Variants in MAGI1 observed in about 807,000 individuals in gnomAD.
The protein encoded by MAGI1 is membrane associated guanylate kinase, WW and PDZ domain containing 1.
Under a neutral mutation model 139.9 loss-of-function variants are expected in MAGI1, and 58 were observed. That is an observed-to-expected ratio of 0.41 (90% CI 0.34 to 0.52). The LOEUF (loss-of-function observed/expected upper bound fraction) is 0.52. Ranked by LOEUF, MAGI1 falls within the 20% of genes least tolerant of loss-of-function variation. MAGI1 has a pLI of 0.12. For synonymous variants in MAGI1, 812 were observed against 737.9 expected, an observed-to-expected ratio of 1.10 and a Z score of -1.63; for missense variants, 1,874 against 1,901.6, an observed-to-expected ratio of 0.99 and a Z score of 0.27.
chr3:65,597,432 C>A (rs997126157), intron 2 of MAGI1, among the ~76,000 whole-genome samples: 1 of 151,994 alleles, frequency 6.6e-6, no homozygotes, highest in South Asian at 2.1e-4. Flanking sequence ...CCTTCAAAAG[C>A]CCCATTGTTC....
At chr3:65,891,896 A>ATG (rs1174729645) in intron 1 of MAGI1, among the ~76,000 whole-genome samples, 656 of 16,696 alleles carry the variant, frequency 0.039, 12 homozygotes, top group Non-Finnish European at 0.06. Context: ...ATATATATAT[A>ATG]TATATATATA....
intron 1 of MAGI1, among the ~76,000 whole-genome samples, chr3:66,002,579 G>A (rs758641040): frequency 1.2e-4 from 18 of 151,994 alleles, no homozygotes; most frequent in African/African-American, 3.4e-4. Context: ...ACAGTGGCGC[G>A]ATCTCGACTC....
rs145857536 is a variant in MAGI1 at position 65,736,815 on chromosome 3, T to A, written c.314-114727A>T. ...AAATGCAAACCTCTTCCAGAAACAC[T>A]CTTACAGATACACCCAGAAATAATG... On this transcript the variant is annotated intron_variant, in intron 1 of 22. Transcript: ENST00000402939. 3.2e-3 allele frequency among the ~76,000 whole-genome samples: 483 copies of A among 152,272 alleles called. 5 individuals are homozygous for A. The highest frequency in any genetic ancestry group is 0.011 in the African/African-American group (457 of 41,566).
intron 4 of MAGI1, among the ~76,000 whole-genome samples, chr3:65,471,758 T>A (rs1950573231): frequency 6.7e-6 from 1 of 149,654 alleles, no homozygotes; most frequent in South Asian, 2.1e-4. Flanking sequence ...AGGTCAGGAA[T>A]AGGTACATGA....
chr3:65,362,042 C>G (rs1940913228), intron 21 of MAGI1, among the ~76,000 whole-genome samples: 1 of 152,204 alleles, frequency 6.6e-6, no homozygotes, highest in Non-Finnish European at 1.5e-5. Flanking sequence ...GATCCCCACT[C>G]AAATAGAGCT....
At position 65,637,256 on chromosome 3, in the gene MAGI1, A is replaced by T. The variant is rs184793020; in HGVS notation, c.314-15168T>A. ...CTTTTAGAGCAAAGAGCATATTAGAAAAAAAAATATTGCAAGCTGGGCATG... is the reference window on the plus strand; with the variant it reads ...CTTTTAGAGCAAAGAGCATATTAGATAAAAAAATATTGCAAGCTGGGCATG... On this transcript the variant is annotated intron_variant, in intron 1 of 22. Transcript: ENST00000402939. 3.0e-3 allele frequency among the ~76,000 whole-genome samples: 461 copies of T among 152,098 alleles called. 2 individuals are homozygous for T. Among genetic ancestry groups the T allele is most frequent in the Admixed American group, 5.2e-3 (79 of 15,268 alleles).
chr3:65,886,917 C>A (rs997242764), intron 1 of MAGI1, among the ~76,000 whole-genome samples: 3 of 152,232 alleles, frequency 2.0e-5, no homozygotes, highest in Non-Finnish European at 4.4e-5. Context: ...TGATCCTACA[C>A]ATCTCTTCTC....
intron 1 of MAGI1, among the ~76,000 whole-genome samples, chr3:65,781,390 T>C (rs2038920056): frequency 6.6e-6 from 1 of 152,182 alleles, no homozygotes; most frequent in Non-Finnish European, 1.5e-5. Flanking sequence ...TTGTTTCATC[T>C]TCGCAAATGC....
chr3:65,530,948 G>C (rs540809455), intron 2 of MAGI1, among the ~76,000 whole-genome samples: 1 of 149,732 alleles, frequency 6.7e-6, no homozygotes, highest in Non-Finnish European at 1.5e-5. Context: ...GTTATTATTC[G>C]TAGTTCCCAT....
At chr3:65,430,288 T>C (rs1003463026) in intron 11 of MAGI1, 148 bp from the exon 12 acceptor site, 25 of 750,042 alleles carry the variant, frequency 3.3e-5, no homozygotes, top group Non-Finnish European at 5.4e-5. Context: ...TTACTGATTT[T>C]AACAGCTAAT....
chr3:65,641,863 C>A (rs2085000454), intron 1 of MAGI1, among the ~76,000 whole-genome samples: 1 of 152,138 alleles, frequency 6.6e-6, no homozygotes, highest in South Asian at 2.1e-4. Flanking sequence ...CTCTTTCACA[C>A]CAATTCCTGA....
At chr3:65,646,706 T>C (rs1432896117) in intron 1 of MAGI1, among the ~76,000 whole-genome samples, 1 of 152,106 alleles carries the variant, frequency 6.6e-6, no homozygotes, top group Admixed American at 6.5e-5. Context: ...ATGTGTTCTC[T>C]AAATAGAAGA....
intron 1 of MAGI1, among the ~76,000 whole-genome samples, chr3:65,773,139 A>C (rs192528189): frequency 2.0e-5 from 3 of 152,316 alleles, no homozygotes; most frequent in African/African-American, 7.2e-5. Context: ...TACCTGACAG[A>C]GTAGAAAAAG....
chr3:66,026,160 G>T (rs181996121), intron 1 of MAGI1, among the ~76,000 whole-genome samples: 1 of 151,820 alleles, frequency 6.6e-6, no homozygotes, highest in Non-Finnish European at 1.5e-5. Context: ...AAATTCTAAC[G>T]CTTGGCCAAG....
chr3:65,762,767 A>G (rs1225347464), intron 1 of MAGI1, among the ~76,000 whole-genome samples: 1 of 152,076 alleles, frequency 6.6e-6, no homozygotes, highest in Non-Finnish European at 1.5e-5. Flanking sequence ...TTCCTGTTCT[A>G]CAGATGAGGA....
intron 1 of MAGI1, among the ~76,000 whole-genome samples, chr3:65,901,539 A>T (rs2108624410): frequency 6.6e-6 from 1 of 152,378 alleles, no homozygotes; most frequent in African/African-American, 2.4e-5. Context: ...TGTGATTTCA[A>T]TTAAAAACAT....
intron 3 of MAGI1, among the ~76,000 whole-genome samples, chr3:65,487,159 ATCAGATC>A (rs997127146): frequency 1.3e-5 from 2 of 152,206 alleles, no homozygotes; most frequent in Admixed American, 6.5e-5. Context: ...CAGCTCAACC[ATCAGATC>A]TCACTTCAAT....
chr3:65,384,994 G>T (rs1260472339), intron 14 of MAGI1, among the ~76,000 whole-genome samples: 4 of 152,062 alleles, frequency 2.6e-5, no homozygotes, highest in Non-Finnish European at 5.9e-5. Flanking sequence ...AAGATCAATG[G>T]TGATGACAAA....
intron 1 of MAGI1, 98 bp downstream of exon 1, chr3:66,037,898 G>A: frequency 6.7e-7 from 1 of 1,503,460 alleles, no homozygotes; most frequent in South Asian, 1.3e-5. Context: ...TCTCTTCACT[G>A]CGCTCCGAGG....
Sources: allele counts gnomAD v4.1 joint callset (sites outside exome capture counted in the v4.1 genomes callset), GRCh38; gene constraint gnomAD v4.1.1; transcripts MANE v1.5; gene names NCBI Gene and HGNC (gene_info 2026-07-23, HGNC 2026-07-21).